Variants in ZFX observed in about 807,000 individuals in gnomAD.
ZFX encodes zinc finger X-chromosomal protein.
For missense variants in ZFX, 362 were observed against 628.3 expected (o/e 0.58, Z 4.53); for synonymous variants, 196 against 226.8 (o/e 0.86, Z 1.22).
At chrX:24,151,140 T>C (rs1478060296) in intron 1 of ZFX, among the ~76,000 whole-genome samples, 1 of 112,511 alleles carries the variant, frequency 8.9e-6, no homozygotes, top group Admixed American at 9.4e-5. Flanking sequence ...GATTGCACAC[T>C]GTGCAACTTT....
intron 3 of ZFX, among the ~76,000 whole-genome samples, chrX:24,169,825 G>A (rs193090695): frequency 1.8e-5 from 2 of 110,304 alleles, no homozygotes; most frequent in East Asian, 5.7e-4. Flanking sequence ...AAGAGGAGAG[G>A]GTTGAGCACA....
At chrX:24,200,278 A>C (rs773035103) in intron 5 of ZFX, among the ~76,000 whole-genome samples, 11 of 111,939 alleles carry the variant, frequency 9.8e-5, no homozygotes, top group Non-Finnish European at 1.9e-4. Context: ...AGAAAGTAGC[A>C]GAAATGGCTC....
At position 24,212,039 on chromosome X, in the gene ZFX, A is replaced by G. The variant is rs375484177; in HGVS notation, c.*663A>G. The G allele has an allele frequency of 6.2e-5, 7 of 112,534 alleles. No homozygotes were observed. The East Asian group carries it at 1.4e-3, about 22-fold the overall frequency. The allele number at this position is 112,534 out of a possible 1,213,427, so 9.3% of individuals were successfully genotyped here. ...ATTTACATCTTTTGTCAGCGTAGCAAACTTTTAGAAAACCTTATTGAAAAA... is the reference window on the plus strand; with the variant it reads ...ATTTACATCTTTTGTCAGCGTAGCAGACTTTTAGAAAACCTTATTGAAAAA... On this transcript the variant is annotated 3_prime_UTR_variant, in exon 10 of 10. Coordinates refer to ENST00000304543, the MANE Select transcript of ZFX (RefSeq NM_003410.4).
intron 3 of ZFX, among the ~76,000 whole-genome samples, chrX:24,170,588 GCTTTAATTTTTTTT>G (rs1373850698): frequency 1.1e-5 from 1 of 94,304 alleles, no homozygotes; most frequent in Non-Finnish European, 2.2e-5. Flanking sequence ...TTTTTCATTT[GCTTTAATTTTTTTT>G]CTTTAATTTT....
At chrX:24,199,453 G>A (rs372667274) in intron 5 of ZFX, among the ~76,000 whole-genome samples, 37 of 109,611 alleles carry the variant, frequency 3.4e-4, no homozygotes, top group Non-Finnish European at 2.1e-4. Context: ...TAAGGGTCTC[G>A]CTGTGTTGCC....
intron 3 of ZFX, among the ~76,000 whole-genome samples, chrX:24,164,560 A>G (rs190174635): frequency 5.4e-5 from 6 of 111,957 alleles, no homozygotes; most frequent in African/African-American, 1.3e-4. Context: ...AGTATGGTCA[A>G]TATGGGTCAA....
intron 3 of ZFX, among the ~76,000 whole-genome samples, chrX:24,153,903 A>G (rs867882556): frequency 9.9e-6 from 1 of 100,714 alleles, no homozygotes; most frequent in Non-Finnish European, 1.9e-5. Context: ...GTATCCAGTC[A>G]GTGTGTTTTT....
chrX:24,171,658 A>T (rs1463571186), intron 3 of ZFX, among the ~76,000 whole-genome samples: 2 of 111,582 alleles, frequency 1.8e-5, no homozygotes, highest in Non-Finnish European at 3.8e-5. Flanking sequence ...ATTATTGGTT[A>T]GAGTTCTTTT....
intron 3 of ZFX, among the ~76,000 whole-genome samples, chrX:24,162,701 T>C (rs1177900095): frequency 1.8e-5 from 2 of 112,272 alleles, no homozygotes; most frequent in East Asian, 5.5e-4. Context: ...AACAGCTTTA[T>C]TGAGATAAAG....
intron 5 of ZFX, among the ~76,000 whole-genome samples, chrX:24,204,812 A>G (rs1937518444): frequency 8.9e-6 from 1 of 111,976 alleles, no homozygotes; most frequent in Admixed American, 9.5e-5. Flanking sequence ...AATGTAGAGA[A>G]TATTGTACCA....
In ZFX at chrX:24,213,292, C is replaced by T. The variant is rs1008218227; in HGVS notation, c.*1916C>T. The T allele has an allele frequency of 8.9e-6, 1 of 111,946 alleles. No homozygotes were observed. Among genetic ancestry groups the T allele is most frequent in the African/African-American group, 3.3e-5 (1 of 30,730 alleles). 9.2% of individuals were successfully genotyped at this position (111,946 alleles called of 1,213,427 possible). ...TTATGTTAAGACGAATCTGGGAGAA[C>T]AGAAAACAGTTTTTGGGGTCCCTTC... On this transcript the variant is annotated 3_prime_UTR_variant, in exon 10 of 10. Coordinates refer to ENST00000304543, the MANE Select transcript of ZFX (RefSeq NM_003410.4).
intron 3 of ZFX, among the ~76,000 whole-genome samples, chrX:24,161,416 A>G (rs1303020261): frequency 8.9e-6 from 1 of 112,150 alleles, no homozygotes; most frequent in Admixed American, 9.5e-5. Context: ...TTACATGGAA[A>G]GGCACAGGGC....
At chrX:24,172,887 C>A (rs1934756668) in intron 4 of ZFX, 87 bp downstream of exon 4, 2 of 915,094 alleles carry the variant, frequency 2.2e-6, no homozygotes, top group East Asian at 3.3e-5. Flanking sequence ...TCACATTGAT[C>A]ATTCACAGGT....
At chrX:24,163,243 A>G (rs1319594824) in intron 3 of ZFX, among the ~76,000 whole-genome samples, 1 of 78,315 alleles carries the variant, frequency 1.3e-5, no homozygotes, top group Non-Finnish European at 2.3e-5. Context: ...GTGTGTGTAC[A>G]TGTACATGGA....
At chrX:24,169,690 A>G (rs922028117) in intron 3 of ZFX, among the ~76,000 whole-genome samples, 2 of 111,055 alleles carry the variant, frequency 1.8e-5, no homozygotes, top group Non-Finnish European at 3.8e-5. Context: ...TAGTGGTCAT[A>G]TCAGGAGAAG....
At position 24,160,717 on chromosome X, in the gene ZFX, C is replaced by G. The variant is rs1569125084; in HGVS notation, c.-29+7887C>G. ...ATTTATCATTTCTCTGTGTTGGGAACGTTCAGAATCCTTTCTTCTAGATAT... is the reference window on the plus strand; with the variant it reads ...ATTTATCATTTCTCTGTGTTGGGAAGGTTCAGAATCCTTTCTTCTAGATAT... On this transcript the variant is annotated intron_variant, in intron 3 of 9. Transcript: ENST00000304543. 2.7e-5 allele frequency among the ~76,000 whole-genome samples: 3 copies of G among 111,663 alleles called. No homozygotes were observed. In the South Asian group the frequency reaches 1.1e-3, roughly 42 times the overall value.
At chrX:24,183,395 A>C (rs1431259200) in intron 5 of ZFX, among the ~76,000 whole-genome samples, 1 of 111,666 alleles carries the variant, frequency 9.0e-6, no homozygotes, top group Non-Finnish European at 1.9e-5. Context: ...CATGTTGCCT[A>C]GGCTGGTCTT....
At chrX:24,209,976 G>A (rs368121191) in intron 9 of ZFX, among the ~76,000 whole-genome samples, 4 of 111,717 alleles carry the variant, frequency 3.6e-5, no homozygotes, top group African/African-American at 6.5e-5. Flanking sequence ...GAGTGAAGGC[G>A]GTACAGTCTT....
At chrX:24,192,681 A>G (rs1936616349) in intron 5 of ZFX, among the ~76,000 whole-genome samples, 1 of 111,072 alleles carries the variant, frequency 9.0e-6, no homozygotes, top group Admixed American at 9.6e-5. Flanking sequence ...CTGAGGCGGG[A>G]GGATCACTTG....
Sources: allele counts gnomAD v4.1 joint callset (sites outside exome capture counted in the v4.1 genomes callset), GRCh38; gene constraint gnomAD v4.1.1; transcripts MANE v1.5; gene names NCBI Gene and HGNC (gene_info 2026-07-23, HGNC 2026-07-21).